Variants in SEMA5A observed in about 807,000 individuals in gnomAD.
SEMA5A encodes the protein semaphorin-5A.
SEMA5A carries 55 observed loss-of-function variants against 135.5 expected under a neutral mutation model. That is an observed-to-expected ratio of 0.41 (90% CI 0.33 to 0.51). SEMA5A has a LOEUF of 0.51. Ranked by LOEUF, SEMA5A falls within the 20% of genes least tolerant of loss-of-function variation. The pLI is 0.37. For synonymous variants in SEMA5A, 580 were observed against 546.5 expected (o/e 1.06, Z -0.85); for missense variants, 1,290 against 1,419.9 (o/e 0.91, Z 1.47).
intron 2 of SEMA5A, among the ~76,000 whole-genome samples, chr5:9,396,769 C>A (rs1465685062): frequency 6.6e-6 from 1 of 152,172 alleles, no homozygotes; most frequent in Non-Finnish European, 1.5e-5. Flanking sequence ...TGCCTCCCAA[C>A]CCTCCCTGGT....
chr5:9,280,486 C>T (rs1442881760), intron 5 of SEMA5A, among the ~76,000 whole-genome samples: 2 of 152,160 alleles, frequency 1.3e-5, no homozygotes, highest in African/African-American at 2.4e-5. Flanking sequence ...CAGCCTGACC[C>T]CGTGTTAGTG....
intron 13 of SEMA5A, among the ~76,000 whole-genome samples, chr5:9,131,386 A>T (rs1741403717): frequency 6.6e-6 from 1 of 152,034 alleles, no homozygotes; most frequent in Non-Finnish European, 1.5e-5. Flanking sequence ...AGGCGGGTGG[A>T]TCAAAAGGTC....
intron 16 of SEMA5A, among the ~76,000 whole-genome samples, chr5:9,072,235 G>A (rs952375825): frequency 3.3e-5 from 5 of 152,172 alleles, no homozygotes; most frequent in African/African-American, 9.7e-5. Flanking sequence ...AGACCCATGA[G>A]TGCCACAACC....
intron 3 of SEMA5A, among the ~76,000 whole-genome samples, chr5:9,357,037 C>T (rs1754481445): frequency 6.6e-6 from 1 of 152,194 alleles, no homozygotes; most frequent in Admixed American, 6.5e-5. Context: ...CATTTTCCTT[C>T]CTGAGCCCAT....
At chr5:9,093,945 C>T (rs1404046588) in intron 16 of SEMA5A, among the ~76,000 whole-genome samples, 2 of 152,100 alleles carry the variant, frequency 1.3e-5, no homozygotes, top group African/African-American at 4.8e-5. Flanking sequence ...GAGTCCTGCC[C>T]ACACCTGTTG....
chr5:9,063,448 G>A (rs1477640827), intron 17 of SEMA5A, among the ~76,000 whole-genome samples: 1 of 152,146 alleles, frequency 6.6e-6, no homozygotes, highest in East Asian at 1.9e-4. Context: ...ACTTTCCTTG[G>A]GAATTCTACA....
chr5:9,348,950 T>G (rs1390092075), intron 3 of SEMA5A, among the ~76,000 whole-genome samples: 1 of 152,226 alleles, frequency 6.6e-6, no homozygotes, highest in African/African-American at 2.4e-5. Flanking sequence ...AATAAATCAT[T>G]TGCTTAAGGA....
At chr5:9,445,264 G>A (rs1758389224) in intron 1 of SEMA5A, among the ~76,000 whole-genome samples, 1 of 151,602 alleles carries the variant, frequency 6.6e-6, no homozygotes, top group Non-Finnish European at 1.5e-5. Flanking sequence ...CCCCAAATCA[G>A]AAACAATCTC....
chr5:9,499,547 T>A (rs1283752496), intron 1 of SEMA5A, among the ~76,000 whole-genome samples: 1 of 152,188 alleles, frequency 6.6e-6, no homozygotes, highest in Non-Finnish European at 1.5e-5. Flanking sequence ...CAAAGTAACA[T>A]TATCAGTCAA....
intron 5 of SEMA5A, among the ~76,000 whole-genome samples, chr5:9,253,347 T>C (rs1748901008): frequency 6.6e-6 from 1 of 152,126 alleles, no homozygotes; most frequent in Non-Finnish European, 1.5e-5. Context: ...ATTTAATGGG[T>C]TGTGATGACG....
In SEMA5A at chr5:9,191,881, A is replaced by T. The variant is rs2526117; in HGVS notation, c.1069-1410T>A. On this transcript the variant is annotated intron_variant, in intron 10 of 22. Transcript: ENST00000382496. ...AAGGGCTCAGCCCTGCCATGACCCA[A>T]GTGTGAGTTTAGGTGAAGGGCTCAG... Among the ~76,000 whole-genome samples, 16 of 95,224 alleles carry T rather than the reference A, an allele frequency of 1.7e-4. 1 individual carries two copies. The highest frequency in any genetic ancestry group is 9.4e-4 in the Admixed American group (7 of 7,466). The allele number at this position is 95,224 out of a possible 152,430, so 62.5% of individuals were successfully genotyped here.
intron 2 of SEMA5A, among the ~76,000 whole-genome samples, chr5:9,398,898 G>C (rs1756523778): frequency 6.6e-6 from 1 of 152,192 alleles, no homozygotes; most frequent in African/African-American, 2.4e-5. Context: ...GTGCAAGCCT[G>C]TGCTACCAAT....
At chr5:9,539,144 C>A (rs1353402385) in intron 1 of SEMA5A, among the ~76,000 whole-genome samples, 1 of 152,188 alleles carries the variant, frequency 6.6e-6, no homozygotes, top group Non-Finnish European at 1.5e-5. Context: ...CCGAGGCAAC[C>A]ACTCACCTGC....
At chr5:9,168,158 A>G (rs1480707001) in intron 11 of SEMA5A, among the ~76,000 whole-genome samples, 1 of 152,128 alleles carries the variant, frequency 6.6e-6, no homozygotes, top group East Asian at 1.9e-4. Context: ...TGACAGGAGG[A>G]GAGCCGTAAG....
At chr5:9,523,321 T>C (rs1022408893) in intron 1 of SEMA5A, 5 of 152,298 alleles carry the variant, frequency 3.3e-5, no homozygotes, top group South Asian at 2.1e-4. Flanking sequence ...CTGGTCTCTC[T>C]TTGAAGGGTG....
chr5:9,379,800 A>G lies in SEMA5A; in HGVS notation c.124+23T>C, dbSNP rs187526941. ...TGTGCATTTAGATGACGGCTTTGCA[A>G]TCAGTGCGTGCTGGTTCCTTACCTT... On this transcript the variant is annotated intron_variant, in intron 3 of 22. Transcript: ENST00000382496. 5.8e-5 allele frequency: 93 copies of G among 1,603,696 alleles called. No individual in the cohort carries two copies. The Admixed American group carries it at 1.2e-3, about 20-fold the overall frequency.
chr5:9,386,758 C>T (rs1254340935), intron 2 of SEMA5A, among the ~76,000 whole-genome samples: 1 of 151,960 alleles, frequency 6.6e-6, no homozygotes, highest in East Asian at 1.9e-4. Flanking sequence ...TTGCTTCTCT[C>T]TTTTATTGTA....
intron 1 of SEMA5A, among the ~76,000 whole-genome samples, chr5:9,534,567 A>G (rs1286775518): frequency 1.3e-5 from 2 of 152,140 alleles, no homozygotes; most frequent in South Asian, 2.1e-4. Flanking sequence ...TTGCATCCCC[A>G]TGGAACATCA....
At chr5:9,046,954 T>C (rs1374806592) in intron 21 of SEMA5A, among the ~76,000 whole-genome samples, 1 of 152,214 alleles carries the variant, frequency 6.6e-6, no homozygotes, top group Non-Finnish European at 1.5e-5. Context: ...TCCAGCTTAG[T>C]TGGTCAATGG....
Sources: allele counts gnomAD v4.1 joint callset (sites outside exome capture counted in the v4.1 genomes callset), GRCh38; gene constraint gnomAD v4.1.1; transcripts MANE v1.5; gene names NCBI Gene and HGNC (gene_info 2026-07-23, HGNC 2026-07-21).